Variants in DNM3 observed in about 807,000 individuals in gnomAD.
DNM3 encodes the protein dynamin 3, also known as dynamin-3.
Under a neutral mutation model 101.6 loss-of-function variants are expected in DNM3, and 47 were observed. That is an observed-to-expected ratio of 0.46 (90% CI 0.37 to 0.59). The LOEUF (loss-of-function observed/expected upper bound fraction) is 0.59. Ranked by LOEUF, DNM3 falls within the 20% of genes least tolerant of loss-of-function variation. DNM3 has a pLI of 0.00. For missense variants in DNM3, 849 were observed against 1,085.7 expected, an observed-to-expected ratio of 0.78 and a Z score of 3.06; for synonymous variants, 385 against 387.9, an observed-to-expected ratio of 0.99 and a Z score of 0.09.
intron 6 of DNM3, among the ~76,000 whole-genome samples, chr1:172,036,301 C>A (rs2048960189): frequency 6.6e-6 from 1 of 151,068 alleles, no homozygotes; most frequent in East Asian, 1.9e-4. Context: ...TGATGATTTC[C>A]AATTTCATCC....
In DNM3 at chr1:172,395,333, G is replaced by A. The variant is rs891978847; in HGVS notation, c.2522+6524G>A. 3.3e-5 allele frequency among the ~76,000 whole-genome samples: 5 copies of A among 152,000 alleles called. No individual in the cohort carries two copies. The East Asian group carries it at 7.7e-4, about 23-fold the overall frequency. On this transcript the variant is annotated intron_variant, in intron 20 of 20. Transcript: ENST00000627582. ...TTACAGGCGTGCACCACCACATCCAGCTAATTTTTGTATTTTGAGTAGAGA... is the reference window on the plus strand; with the variant it reads ...TTACAGGCGTGCACCACCACATCCAACTAATTTTTGTATTTTGAGTAGAGA...
chr1:172,182,937 A>T (rs1177185755), intron 14 of DNM3, among the ~76,000 whole-genome samples: 2 of 152,128 alleles, frequency 1.3e-5, no homozygotes, highest in Non-Finnish European at 2.9e-5. Flanking sequence ...TTGTGCAGGT[A>T]ATTATTTAAA....
At chr1:172,261,293 A>G (rs2062634827) in intron 15 of DNM3, among the ~76,000 whole-genome samples, 1 of 152,178 alleles carries the variant, frequency 6.6e-6, no homozygotes, top group South Asian at 2.1e-4. Flanking sequence ...CTTTTCTGAC[A>G]TGTATCTATG....
chr1:172,396,914 A>G (rs1198290529), intron 20 of DNM3, among the ~76,000 whole-genome samples: 1 of 152,222 alleles, frequency 6.6e-6, no homozygotes, highest in Non-Finnish European at 1.5e-5. Context: ...AGAGTCTGCA[A>G]TGAAATTATT....
intron 17 of DNM3, among the ~76,000 whole-genome samples, chr1:172,335,471 A>C (rs1328183542): frequency 2.6e-5 from 4 of 152,202 alleles, no homozygotes; most frequent in Non-Finnish European, 5.9e-5. Context: ...TATTATTTAT[A>C]GAATACAAGA....
chr1:172,108,016 C>T (rs559134341), intron 13 of DNM3, among the ~76,000 whole-genome samples: 68 of 151,698 alleles, frequency 4.5e-4, no homozygotes, highest in Non-Finnish European at 7.1e-4. Flanking sequence ...CGGTGGTTAA[C>T]CTTCTGGTCT....
At chr1:171,971,732 C>T (rs1483223283) in intron 2 of DNM3, among the ~76,000 whole-genome samples, 1 of 152,020 alleles carries the variant, frequency 6.6e-6, no homozygotes, top group African/African-American at 2.4e-5. Context: ...AAACAAAAAA[C>T]CCAGAAAACC....
At chr1:172,379,568 C>T (rs114636631) in intron 18 of DNM3, among the ~76,000 whole-genome samples, 123 of 152,098 alleles carry the variant, frequency 8.1e-4, no homozygotes, top group African/African-American at 2.7e-3. Context: ...TATGCCCATG[C>T]GTGTGCATGC....
rs1558430049 is a variant in DNM3 at position 172,018,875 on chromosome 1, GTTTCC to G, written c.590-13524_590-13520del. On this transcript the variant is annotated intron_variant, in intron 4 of 20. Transcript: ENST00000627582. The stretch of plus-strand genomic sequence containing the variant: ...TTTTCTCTAAAGAATTTCTTTTAAT[GTTTCC>G]TTGTGAAGTAATTCCACTGGCAACA... Among the ~76,000 whole-genome samples, 7 of 151,952 alleles carry G rather than the reference GTTTCC, an allele frequency of 4.6e-5. No homozygotes were observed. In the South Asian group the frequency reaches 1.5e-3, roughly 32 times the overall value.
chr1:172,076,521 A>C (rs555020633), intron 11 of DNM3, among the ~76,000 whole-genome samples: 1 of 152,210 alleles, frequency 6.6e-6, no homozygotes, highest in African/African-American at 2.4e-5. Flanking sequence ...AGTTTTTAGC[A>C]TGAAGGGATG....
chr1:172,083,124 T>C (rs1421373156), intron 12 of DNM3, among the ~76,000 whole-genome samples: 1 of 152,218 alleles, frequency 6.6e-6, no homozygotes, highest in African/African-American at 2.4e-5. Context: ...CCCAAGACTC[T>C]CACCATGTGT....
At chr1:172,306,269 C>A (rs2064806121) in intron 15 of DNM3, among the ~76,000 whole-genome samples, 2 of 152,028 alleles carry the variant, frequency 1.3e-5, no homozygotes, top group Admixed American at 1.3e-4. Context: ...GAGTGATCTC[C>A]CATTCAAAAT....
chr1:172,254,110 A>G (rs2062302217), intron 15 of DNM3, among the ~76,000 whole-genome samples: 2 of 152,074 alleles, frequency 1.3e-5, no homozygotes, highest in Non-Finnish European at 2.9e-5. Context: ...TGTCTGGATA[A>G]TGTTTTAAAA....
intron 13 of DNM3, among the ~76,000 whole-genome samples, chr1:172,102,587 A>C (rs908360119): frequency 6.6e-6 from 1 of 152,182 alleles, no homozygotes; most frequent in African/African-American, 2.4e-5. Flanking sequence ...TATCTACTCA[A>C]AATTACTTTG....
chr1:171,884,803 A>G (rs182833491), intron 1 of DNM3, among the ~76,000 whole-genome samples: 23 of 152,306 alleles, frequency 1.5e-4, no homozygotes, highest in Middle Eastern at 3.4e-3. Context: ...AGAACTTTCA[A>G]ATTTCTGCTT....
At chr1:172,187,528 A>G (rs759087003) in intron 14 of DNM3, among the ~76,000 whole-genome samples, 3 of 151,912 alleles carry the variant, frequency 2.0e-5, no homozygotes, top group Non-Finnish European at 4.4e-5. Context: ...TTTAAAAATT[A>G]TTCTTCTGGG....
intron 14 of DNM3, among the ~76,000 whole-genome samples, chr1:172,133,992 G>A (rs551818357): frequency 1.9e-4 from 29 of 152,252 alleles, no homozygotes; most frequent in Non-Finnish European, 1.5e-5. Flanking sequence ...TTGGATTGAT[G>A]GTTTAGAAAG....
At chr1:172,225,546 A>G (rs1156823244) in intron 14 of DNM3, among the ~76,000 whole-genome samples, 2 of 149,346 alleles carry the variant, frequency 1.3e-5, no homozygotes, top group Non-Finnish European at 3.0e-5. Flanking sequence ...TCTATTCTCA[A>G]CTCTTTAGTA....
At position 172,410,966 on chromosome 1, in the gene DNM3, C is replaced by T. The variant is rs1295009968; in HGVS notation, c.*3125C>T. ...TGTGTCTCTGTGTATATGGCATATA[C>T]CTAGTAAGTATGTTTCTGTAAGTAT... On this transcript the variant is annotated 3_prime_UTR_variant, in exon 21 of 21. Transcript: ENST00000627582. 3 of 984,978 alleles carry T rather than the reference C, an allele frequency of 3.0e-6. No individual in the cohort carries two copies. The highest frequency in any genetic ancestry group is 3.5e-5 in the African/African-American group (2 of 57,252). The allele number at this position is 984,978 out of a possible 1,614,324, so 61.0% of individuals were successfully genotyped here. A position where few individuals can be genotyped will look rare whatever the true frequency, so the allele number is the denominator to read the frequency against.
Sources: allele counts gnomAD v4.1 joint callset (sites outside exome capture counted in the v4.1 genomes callset), GRCh38; gene constraint gnomAD v4.1.1; transcripts MANE v1.5; gene names NCBI Gene and HGNC (gene_info 2026-07-23, HGNC 2026-07-21).